The following MYO5B variants were observed in gnomAD, a reference collection of about 807,000 sequenced individuals.
The protein encoded by MYO5B is myosin VB.
In MYO5B, 143 loss-of-function variants were observed where a neutral mutation model predicts 229.3. That is an observed-to-expected ratio of 0.62 (90% CI 0.54 to 0.72). The LOEUF (loss-of-function observed/expected upper bound fraction) is 0.72, where lower values mean the gene tolerates loss of function less well. Among genes scored for constraint, MYO5B ranks in the 30% least tolerant of loss-of-function variants. The pLI, the probability that MYO5B is intolerant of heterozygous loss-of-function variation, is 0.00. For missense variants in MYO5B, 2,321 were observed against 2,331.0 expected, an observed-to-expected ratio of 1.00 and a Z score of 0.09; for synonymous variants, 918 against 885.2, an observed-to-expected ratio of 1.04 and a Z score of -0.66.
At chr18:50,119,628 T>C (rs529450180) in intron 1 of MYO5B, among the ~76,000 whole-genome samples, 55 of 152,270 alleles carry the variant, frequency 3.6e-4, no homozygotes, top group African/African-American at 1.3e-3. Flanking sequence ...CAGGAATTAG[T>C]TCATGATCTC....
intron 29 of MYO5B, among the ~76,000 whole-genome samples, chr18:49,858,101 C>A (rs140301930): frequency 6.6e-6 from 1 of 152,320 alleles, no homozygotes; most frequent in African/African-American, 2.4e-5. Context: ...AAGGGACTTC[C>A]TCCTCAGCCA....
intron 2 of MYO5B, among the ~76,000 whole-genome samples, chr18:50,047,848 CA>C (rs1333536046): frequency 2.0e-5 from 3 of 147,472 alleles, no homozygotes; most frequent in Non-Finnish European, 4.4e-5. Context: ...GACGAAAAAC[CA>C]AACACCACAT....
intron 39 of MYO5B, among the ~76,000 whole-genome samples, chr18:49,829,692 C>A (rs991561406): frequency 3.3e-5 from 5 of 152,046 alleles, no homozygotes; most frequent in Non-Finnish European, 7.4e-5. Context: ...TGTAAAAGCC[C>A]TCAAGAAAAT....
chr18:50,109,156 A>C (rs763775109), intron 1 of MYO5B, among the ~76,000 whole-genome samples: 1 of 152,202 alleles, frequency 6.6e-6, no homozygotes, highest in Non-Finnish European at 1.5e-5. Context: ...CCACGATAAG[A>C]AAGTTTCCAG....
At chr18:49,828,626 C>A (rs371368162) in intron 39 of MYO5B, among the ~76,000 whole-genome samples, 1 of 152,132 alleles carries the variant, frequency 6.6e-6, no homozygotes, top group South Asian at 2.1e-4. Context: ...CATACACATT[C>A]TTCTCAATGC....
intron 9 of MYO5B, among the ~76,000 whole-genome samples, 173 bp from the exon 10 acceptor site, chr18:49,974,788 C>CACACACAG (rs2025729718): frequency 1.7e-5 from 2 of 114,558 alleles, no homozygotes; most frequent in African/African-American, 6.8e-5. Flanking sequence ...CTCACACACA[C>CACACACAG]ACACACACAG....
At chr18:49,881,976 G>A (rs1389808917) in intron 22 of MYO5B, among the ~76,000 whole-genome samples, 1 of 152,122 alleles carries the variant, frequency 6.6e-6, no homozygotes, top group East Asian at 1.9e-4. Context: ...ATAACATGGG[G>A]GCTAAATTGC....
intron 18 of MYO5B, among the ~76,000 whole-genome samples, chr18:49,910,306 G>C (rs2144157810): frequency 6.6e-6 from 1 of 152,342 alleles, no homozygotes; most frequent in African/African-American, 2.4e-5. Context: ...AGAGGTCTTG[G>C]TGGTAATCCT....
At chr18:50,101,085 T>C (rs1398670727) in intron 1 of MYO5B, among the ~76,000 whole-genome samples, 2 of 152,248 alleles carry the variant, frequency 1.3e-5, no homozygotes, top group African/African-American at 4.8e-5. Context: ...CACAATAGCA[T>C]ACTGTATAGT....
chr18:50,070,799 C>A (rs529288839), intron 1 of MYO5B, among the ~76,000 whole-genome samples: 4 of 151,132 alleles, frequency 2.6e-5, no homozygotes, highest in African/African-American at 9.7e-5. Context: ...CCCCTGCACA[C>A]CCCCACTGCC....
chr18:49,878,007 T>G (rs1002627791), intron 24 of MYO5B, 125 bp from the exon 25 acceptor site: 50 of 1,158,684 alleles, frequency 4.3e-5, no homozygotes, highest in Non-Finnish European at 4.9e-5. Context: ...GTATCATTGC[T>G]TCTTGGAATG....
chr18:50,075,907 T>C (rs1305368751), intron 1 of MYO5B, among the ~76,000 whole-genome samples: 1 of 152,168 alleles, frequency 6.6e-6, no homozygotes, highest in Non-Finnish European at 1.5e-5. Context: ...TACCAGTAAA[T>C]GCACATCAGA....
intron 16 of MYO5B, among the ~76,000 whole-genome samples, chr18:49,933,046 G>A (rs1374152022): frequency 6.6e-6 from 1 of 152,212 alleles, no homozygotes; most frequent in Non-Finnish European, 1.5e-5. Flanking sequence ...GGAGCCTGCT[G>A]GATGCAAAGA....
intron 2 of MYO5B, among the ~76,000 whole-genome samples, chr18:50,049,102 T>TAA (rs2030322629): frequency 6.6e-6 from 1 of 151,770 alleles, no homozygotes; most frequent in Admixed American, 6.6e-5. Flanking sequence ...GCATCAAATA[T>TAA]CCTGCCATGG....
rs1347005804 is a variant in MYO5B at position 49,911,551 on chromosome 18, GT to G, written c.2202+510del. On this transcript the variant is annotated intron_variant, in intron 18 of 39. Transcript: ENST00000285039. Reference sequence around the variant, plus strand: ...TGATGTACCACGGTTGTGTAAGTGCGTTTTTACTTGGGAAGTCCACAATGTC... The same window carrying G: ...TGATGTACCACGGTTGTGTAAGTGCGTTTTACTTGGGAAGTCCACAATGTC... Among the ~76,000 whole-genome samples, 7 of 152,314 alleles carry G rather than the reference GT, an allele frequency of 4.6e-5. No individual in the cohort carries two copies. In the East Asian group the frequency reaches 1.2e-3, roughly 25 times the overall value.
intron 12 of MYO5B, among the ~76,000 whole-genome samples, chr18:49,961,766 T>C (rs1222444300): frequency 6.6e-6 from 1 of 152,074 alleles, no homozygotes; most frequent in African/African-American, 2.4e-5. Flanking sequence ...TGCCAGGCAC[T>C]CTCCAGGCTG....
intron 1 of MYO5B, among the ~76,000 whole-genome samples, chr18:50,080,221 A>G (rs1370610919): frequency 6.6e-6 from 1 of 152,132 alleles, no homozygotes; most frequent in Non-Finnish European, 1.5e-5. Context: ...AGCCCTTGGG[A>G]GCAGACTGAC....
chr18:49,991,901 C>A (rs565383014), intron 6 of MYO5B, among the ~76,000 whole-genome samples: 13 of 152,132 alleles, frequency 8.5e-5, no homozygotes, highest in Non-Finnish European at 1.8e-4. Flanking sequence ...TTTTTTAAAC[C>A]TACTAAATAA....
intron 27 of MYO5B, among the ~76,000 whole-genome samples, chr18:49,871,135 A>G (rs4939899): frequency 5.9e-5 from 9 of 152,236 alleles, no homozygotes; most frequent in Admixed American, 5.9e-4. Flanking sequence ...TACAATAGAG[A>G]TCAACCATCA....
Sources: allele counts gnomAD v4.1 joint callset (sites outside exome capture counted in the v4.1 genomes callset), GRCh38; gene constraint gnomAD v4.1.1; transcripts MANE v1.5; gene names NCBI Gene and HGNC (gene_info 2026-07-23, HGNC 2026-07-21).